The following ATR variants were observed in gnomAD, a reference collection of about 807,000 sequenced individuals.
The protein encoded by ATR is ATR checkpoint kinase.
A neutral mutation model predicts 305.3 loss-of-function variants in ATR; 142 were observed. That is an observed-to-expected ratio of 0.47 (90% CI 0.41 to 0.53). ATR has a LOEUF of 0.53. Ranked by LOEUF, ATR falls within the 20% of genes least tolerant of loss-of-function variation. The pLI, the probability that ATR is intolerant of heterozygous loss-of-function variation, is 0.00. For synonymous variants in ATR, 1,050 were observed against 1,068.1 expected (o/e 0.98, Z 0.33); for missense variants, 2,135 against 3,133.1 (o/e 0.68, Z 7.60).
chr3:142,554,783 G>A (rs2034603266), intron 10 of ATR, among the ~76,000 whole-genome samples: 1 of 151,832 alleles, frequency 6.6e-6, no homozygotes, highest in Non-Finnish European at 1.5e-5. Context: ...TTAGCTGGGT[G>A]TAGTGGCACA....
intron 31 of ATR, among the ~76,000 whole-genome samples, chr3:142,499,357 C>T (rs976078190): frequency 7.9e-5 from 12 of 151,188 alleles, no homozygotes; most frequent in African/African-American, 1.7e-4. Flanking sequence ...TGCAGTGGCG[C>T]GATCTCAGCT....
At chr3:142,569,756 C>A (rs2035202281) in intron 1 of ATR, among the ~76,000 whole-genome samples, 1 of 152,088 alleles carries the variant, frequency 6.6e-6, no homozygotes. Flanking sequence ...AAGCAATTCT[C>A]CTGCCTCAGC....
chr3:142,535,035 A>C, intron 21 of ATR, 45 bp downstream of exon 21: 2 of 1,563,150 alleles, frequency 1.3e-6, no homozygotes, highest in Non-Finnish European at 1.7e-6. Flanking sequence ...TTAAGCCTCC[A>C]ATCTTTCTTT....
Position 142,562,540 on chromosome 3 carries a change from A to C in ATR, c.862T>G (p.Leu288Val). 1 of 1,613,714 alleles carries C rather than the reference A, an allele frequency of 6.2e-7. No homozygotes were observed. ...KHLVEMDTDQ[L>V]KLYEEPLSKL... ...GATAATGGCTCTTCATAGAGTTTCA[A>C]TTGGTCAGTATCCATTTCTACAAGG... The change falls in exon 4 of 47, where the codon TTG (leucine) becomes GTG (valine). Residue 288 changes from leucine (L) to valine (V), a missense_variant. This residue lies in a region of ATR where 744 missense variants were observed against 873.2 expected (regional missense o/e 0.85). Transcript: ENST00000350721.
chr3:142,474,501 A>G (rs1395845450), intron 36 of ATR, among the ~76,000 whole-genome samples: 2 of 152,100 alleles, frequency 1.3e-5, no homozygotes, highest in South Asian at 2.1e-4. Context: ...ACTGTAAATG[A>G]GATTGTCTTC....
intron 46 of ATR, chr3:142,451,905 T>C: frequency 1.5e-6 from 2 of 1,302,144 alleles, no homozygotes; most frequent in South Asian, 1.3e-5. Context: ...GGTCAGATAT[T>C]GGAATCCCTC....
At chr3:142,504,372 T>C (rs895836786) in intron 29 of ATR, among the ~76,000 whole-genome samples, 2 of 152,214 alleles carry the variant, frequency 1.3e-5, no homozygotes, top group African/African-American at 4.8e-5. Context: ...ATTTTAGAGT[T>C]ATTAAATGAA....
chr3:142,472,615 G>A (rs2071314638), intron 36 of ATR, among the ~76,000 whole-genome samples: 2 of 151,312 alleles, frequency 1.3e-5, no homozygotes, highest in Non-Finnish European at 1.5e-5. Context: ...TTTTTAATTG[G>A]GTAATTTGTT....
intron 41 of ATR, among the ~76,000 whole-genome samples, chr3:142,463,624 T>C (rs1209872390): frequency 1.3e-5 from 2 of 152,182 alleles, no homozygotes; most frequent in African/African-American, 2.4e-5. Flanking sequence ...CTCGAACTAC[T>C]GGCCTCAAGT....
chr3:142,459,079 G>A lies in ATR; in HGVS notation c.7382C>T (p.Thr2461Ile), dbSNP rs2070968853. The A allele has an allele frequency of 6.2e-7, 1 of 1,614,028 alleles. No homozygotes were observed. Among genetic ancestry groups the A allele is most frequent in the East Asian group, 2.2e-5 (1 of 44,872 alleles). The change falls in exon 44 of 47, where the codon ACT becomes ATT. Residue 2461 changes from threonine (T) to isoleucine (I), a missense_variant. Thr to Ile is a moderately conservative substitution (Grantham distance 89). Transcript: ENST00000350721. ...YSSRSAYCRS[T>I]AVMSMVGYIL... ...ATAACCAACCATTGACATTACTGCA[G>A]TGGAACGGCAGTAAGCTGATCTACT... is the stretch of plus-strand genomic sequence containing the variant.
chr3:142,578,524 A>AGCGGGGG, intron 1 of ATR, 122 bp downstream of exon 1: 1 of 1,186,714 alleles, frequency 8.4e-7, no homozygotes. Context: ...GCATCTCCAC[A>AGCGGGGG]AGGGCCGCAG....
chr3:142,457,506 C>T, intron 45 of ATR, 98 bp downstream of exon 45: 2 of 1,392,092 alleles, frequency 1.4e-6, no homozygotes, highest in Admixed American at 2.0e-5. Flanking sequence ...CTATTTCAGT[C>T]AGTACAAAGT....
intron 27 of ATR, among the ~76,000 whole-genome samples, chr3:142,511,034 T>C (rs1470191351): frequency 6.6e-6 from 1 of 152,130 alleles, no homozygotes; most frequent in Non-Finnish European, 1.5e-5. Context: ...GCTGGCTAGA[T>C]ATCAAACACT....
chr3:142,496,327 T>C lies in ATR; in HGVS notation c.5898+34A>G, dbSNP rs576429872. The stretch of plus-strand genomic sequence containing the variant: ...ATATATATATATATATATATATATA[T>C]ATATATATATGATGACATTTCCCTG... On this transcript the variant is annotated intron_variant, in intron 34 of 46. Coordinates refer to ENST00000350721, the MANE Select transcript of ATR (RefSeq NM_001184.4). 63 of 382,130 alleles carry C rather than the reference T, an allele frequency of 1.6e-4. 3 individuals are homozygous for C. The highest frequency in any genetic ancestry group is 8.3e-4 in the East Asian group (11 of 13,188). The allele number at this position is 382,130 out of a possible 1,614,324, so 23.7% of individuals were successfully genotyped here.
intron 36 of ATR, among the ~76,000 whole-genome samples, chr3:142,473,982 A>G (rs1305802061): frequency 6.9e-6 from 1 of 144,220 alleles, no homozygotes; most frequent in Non-Finnish European, 1.5e-5. Flanking sequence ...TCTGGAGTGC[A>G]GAGGCACGAT....
Position 142,457,775 on chromosome 3 carries a change from AT to A in ATR, c.7504-21del. 6.2e-7 allele frequency: 1 copy of A among 1,612,256 alleles called. No individual in the cohort carries two copies. ...TTCTCCCTTAGAAACAATACATTTT[AT>A]TACAAACTAACAATGTTAGAATTTA... On this transcript the variant is annotated intron_variant, in intron 44 of 46. Transcript: ENST00000350721.
chr3:142,518,586 T>A (rs1259473931), intron 24 of ATR, among the ~76,000 whole-genome samples: 1 of 152,202 alleles, frequency 6.6e-6, no homozygotes, highest in Non-Finnish European at 1.5e-5. Flanking sequence ...AAATAATCAC[T>A]TCTTTAATAA....
chr3:142,545,521 T>C (rs2108447240), intron 16 of ATR, among the ~76,000 whole-genome samples: 1 of 152,278 alleles, frequency 6.6e-6, no homozygotes, highest in Non-Finnish European at 1.5e-5. Flanking sequence ...ATGTATGCCT[T>C]ACAGATTTTA....
intron 31 of ATR, 76 bp from the exon 32 acceptor site, chr3:142,498,850 T>C: frequency 7.0e-7 from 1 of 1,431,988 alleles, no homozygotes. Context: ...TTAGATAAAA[T>C]GGTCAGCTGA....
Sources: allele counts gnomAD v4.1 joint callset (sites outside exome capture counted in the v4.1 genomes callset), GRCh38; gene constraint gnomAD v4.1.1; regional missense constraint gnomAD v4.1.1; transcripts MANE v1.5; gene names NCBI Gene and HGNC (gene_info 2026-07-23, HGNC 2026-07-21).